DDX60L: variants seen among roughly 807,000 people sequenced by gnomAD.
DDX60L encodes probable ATP-dependent RNA helicase DDX60-like.
A neutral mutation model predicts 211.6 loss-of-function variants in DDX60L; 191 were observed. The ratio of observed to expected loss-of-function variants is 0.90; its 90% CI spans 0.80 to 1.02. The LOEUF (loss-of-function observed/expected upper bound fraction) is 1.02. DDX60L is among the 50% of genes least tolerant of loss of function. DDX60L has a pLI of 0.00. For missense variants in DDX60L, 2,007 were observed against 1,984.1 expected (o/e 1.01, Z -0.22); for synonymous variants, 706 against 694.1 (o/e 1.02, Z -0.27).
chr4:168,472,675 A>T, intron 2 of DDX60L, 21 bp downstream of exon 2: 1 of 1,613,278 alleles, frequency 6.2e-7, no homozygotes, highest in Non-Finnish European at 8.5e-7. Flanking sequence ...TAGGCTACAA[A>T]TATCAAAGAT....
intron 30 of DDX60L, 100 bp from the exon 31 acceptor site, chr4:168,379,930 AC>A: frequency 1.4e-6 from 1 of 709,548 alleles, no homozygotes. Flanking sequence ...AGATAAGGTT[AC>A]CAGATCTTAC....
intron 1 of DDX60L, among the ~76,000 whole-genome samples, chr4:168,478,030 C>G (rs1759833398): frequency 6.6e-6 from 1 of 151,446 alleles, no homozygotes; most frequent in Non-Finnish European, 1.5e-5. Context: ...GAGTTGGAGA[C>G]CAACCTGGGC....
At position 168,384,794 on chromosome 4, in the gene DDX60L, T is replaced by C. The variant is rs374729084; in HGVS notation, c.3934A>G (p.Arg1312Gly). The change falls in exon 30 of 38, where the codon AGA (arginine) becomes GGA (glycine). Residue 1312 changes from arginine (R) to glycine (G), a missense_variant. Physicochemically the swap from Arg to Gly is moderately radical, Grantham distance 125. Coordinates refer to ENST00000682922, the MANE Select transcript of DDX60L (RefSeq NM_001012967.3). ...NYRQMSGRAG[R>G]RGQDLLGNVY... is the part of the protein sequence containing the mutation. ...TTTCCAAGCAGGTCTTGACCTCTTCTTCCAGCACGACCAGACATCTGGAAG... is the reference window on the plus strand; with the variant it reads ...TTTCCAAGCAGGTCTTGACCTCTTCCTCCAGCACGACCAGACATCTGGAAG... The C allele has an allele frequency of 1.9e-6, 3 of 1,613,118 alleles. No individual in the cohort carries two copies. The highest frequency in any genetic ancestry group is 4.5e-5 in the East Asian group (2 of 44,842).
chr4:168,478,102 G>A (rs931514789), intron 1 of DDX60L, among the ~76,000 whole-genome samples: 3 of 151,774 alleles, frequency 2.0e-5, no homozygotes, highest in Non-Finnish European at 4.4e-5. Context: ...GGGGAGGGGA[G>A]GGGAAAAGAG....
chr4:168,400,278 T>C (rs1472391345), intron 26 of DDX60L, among the ~76,000 whole-genome samples: 1 of 152,194 alleles, frequency 6.6e-6, no homozygotes, highest in Non-Finnish European at 1.5e-5. Context: ...GATGGGCATC[T>C]AGGTTGATTC....
At chr4:168,439,728 T>C (rs1413872468) in intron 10 of DDX60L, among the ~76,000 whole-genome samples, 1 of 152,166 alleles carries the variant, frequency 6.6e-6, no homozygotes, top group Non-Finnish European at 1.5e-5. Context: ...AAGAACAAAG[T>C]TGGAGCACAT....
At chr4:168,375,583 C>T in intron 33 of DDX60L, 59 bp from the exon 34 acceptor site, 1 of 1,452,616 alleles carries the variant, frequency 6.9e-7, no homozygotes. Context: ...AATTAAACTG[C>T]TTGGTGATAA....
chr4:168,472,288 G>A (rs1561144043), intron 3 of DDX60L, among the ~76,000 whole-genome samples, 167 bp downstream of exon 3: 1 of 152,192 alleles, frequency 6.6e-6, no homozygotes, highest in Non-Finnish European at 1.5e-5. Context: ...AATCTGTTCA[G>A]TGACAGCTAA....
At chr4:168,403,490 A>T (rs1280053157) in intron 25 of DDX60L, among the ~76,000 whole-genome samples, 1 of 152,232 alleles carries the variant, frequency 6.6e-6, no homozygotes, top group African/African-American at 2.4e-5. Flanking sequence ...AATGTGTCCC[A>T]CTTCGGTTCT....
chr4:168,467,703 G>C (rs1299702898), intron 4 of DDX60L, among the ~76,000 whole-genome samples: 1 of 152,042 alleles, frequency 6.6e-6, no homozygotes, highest in Non-Finnish European at 1.5e-5. Flanking sequence ...GAAAACTCTA[G>C]ACCCAAATGG....
intron 9 of DDX60L, among the ~76,000 whole-genome samples, chr4:168,447,778 CA>C (rs1221529142): frequency 2.0e-5 from 3 of 149,532 alleles, no homozygotes; most frequent in African/African-American, 4.9e-5. Context: ...ATCGCAAGAT[CA>C]AAAAAACCAA....
At chr4:168,460,897 G>C (rs1042993704) in intron 5 of DDX60L, among the ~76,000 whole-genome samples, 3 of 152,234 alleles carry the variant, frequency 2.0e-5, no homozygotes, top group African/African-American at 7.2e-5. Flanking sequence ...CAGGAAAAGT[G>C]GTTTGCTTGC....
At position 168,453,247 on chromosome 4, in the gene DDX60L, T is replaced by G; in HGVS notation, c.873A>C (p.Glu291Asp). ...AGAGGCAACGCAGTCTGCAGAAATC[T>G]TCCACCTCCTGCAGGGATAGGCAAT... Reference protein sequence around the residue: ...HSNCLSLQEVEDFCRLRCLCV... With the variant: ...HSNCLSLQEVDDFCRLRCLCV... The change falls in exon 8 of 38, where the codon GAA becomes GAC. Residue 291 changes from glutamate to aspartate, a missense_variant. Physicochemically the swap from Glu to Asp is conservative, Grantham distance 45. Coordinates refer to ENST00000682922, the MANE Select transcript of DDX60L (RefSeq NM_001012967.3). 6.2e-7 allele frequency: 1 copy of G among 1,612,632 alleles called. No homozygotes were observed. The highest frequency in any genetic ancestry group is 8.5e-7 in the Non-Finnish European group (1 of 1,179,196).
intron 4 of DDX60L, among the ~76,000 whole-genome samples, chr4:168,463,914 C>G (rs1444659065): frequency 6.6e-6 from 1 of 152,102 alleles, no homozygotes; most frequent in African/African-American, 2.4e-5. Context: ...TAGTATAATA[C>G]ACTGTTGAGG....
chr4:168,383,414 C>T (rs932464456), intron 30 of DDX60L, among the ~76,000 whole-genome samples: 1 of 152,144 alleles, frequency 6.6e-6, no homozygotes, highest in Admixed American at 6.5e-5. Flanking sequence ...TTCTGCTCAG[C>T]CTTTGCTACA....
At chr4:168,387,211 T>C (rs1018306121) in intron 29 of DDX60L, among the ~76,000 whole-genome samples, 1 of 152,092 alleles carries the variant, frequency 6.6e-6, no homozygotes, top group Admixed American at 6.5e-5. Flanking sequence ...CTCAGAAAGA[T>C]GTAAAGGTGT....
At chr4:168,383,237 T>C (rs957534995) in intron 30 of DDX60L, among the ~76,000 whole-genome samples, 1 of 152,130 alleles carries the variant, frequency 6.6e-6, no homozygotes, top group Non-Finnish European at 1.5e-5. Flanking sequence ...AAGAAACATA[T>C]AATAATCAAG....
intron 25 of DDX60L, 25 bp downstream of exon 25, chr4:168,403,957 G>GTTC: frequency 7.3e-7 from 1 of 1,373,850 alleles, no homozygotes; most frequent in Non-Finnish European, 9.7e-7. Context: ...TATAAACAAA[G>GTTC]ATAAATTAAG....
At position 168,443,008 on chromosome 4, in the gene DDX60L, T is replaced by C. The variant is rs370174405; in HGVS notation, c.1139-1516A>G. ...AAGGAACGCAGTTCCTCACCAGCAA[T>C]GGAACAAAGCTGGATGGAGAATGAC... On this transcript the variant is annotated intron_variant, in intron 9 of 37. Coordinates refer to ENST00000682922, the MANE Select transcript of DDX60L (RefSeq NM_001012967.3). Among the ~76,000 whole-genome samples the C allele has an allele frequency of 7.2e-5, 11 of 152,098 alleles. 1 individual carries two copies. The South Asian group carries it at 8.3e-4, about 11-fold the overall frequency.
Sources: gnomAD v4.1 joint callset for allele counts (sites outside exome capture counted in the v4.1 genomes callset) on GRCh38, gnomAD v4.1.1 for gene constraint, MANE v1.5 for transcripts, NCBI Gene and HGNC (gene_info 2026-07-23, HGNC 2026-07-21) for gene names.